Variants in STAG3 observed in about 807,000 individuals in gnomAD.
STAG3 encodes STAG3 cohesin complex component.
In STAG3, 101 loss-of-function variants were observed where a neutral mutation model predicts 160.7. That is an observed-to-expected ratio of 0.63 (90% CI 0.54 to 0.74). STAG3 has a LOEUF of 0.74. Among genes scored for constraint, STAG3 ranks in the 30% least tolerant of loss-of-function variants. STAG3 has a pLI of 0.00. For missense variants in STAG3, 1,188 were observed against 1,517.4 expected, an observed-to-expected ratio of 0.78 and a Z score of 3.61; for synonymous variants, 519 against 585.0, an observed-to-expected ratio of 0.89 and a Z score of 1.63.
downstream of STAG3, chr7:100,218,829 T>C (rs1260025147): frequency 4.4e-6 from 1 of 225,764 alleles, no homozygotes; most frequent in Non-Finnish European, 8.9e-6. Context: ...AATACTGAGA[T>C]CCTAGAAAGG....
intron 5 of STAG3, among the ~76,000 whole-genome samples, chr7:100,188,184 C>A (rs1800146797): frequency 6.6e-6 from 1 of 152,168 alleles, no homozygotes; most frequent in Admixed American, 6.6e-5. Flanking sequence ...CATTTCTGTG[C>A]AGTTTTCAGC....
chr7:100,216,276 C>T (rs1490246332), downstream of STAG3, among the ~76,000 whole-genome samples: 3 of 152,114 alleles, frequency 2.0e-5, no homozygotes, highest in Admixed American at 1.3e-4. Flanking sequence ...AGACTCCCAA[C>T]TTTTGGACAT....
intron 1 of STAG3, among the ~76,000 whole-genome samples, chr7:100,179,332 C>T (rs187929825): frequency 3.3e-5 from 5 of 150,856 alleles, no homozygotes; most frequent in Admixed American, 6.6e-5. Context: ...AAGCAGTCCT[C>T]CTGTCTCAGC....
downstream of STAG3, among the ~76,000 whole-genome samples, chr7:100,217,529 CAAAGAGAT>C (rs1185008487): frequency 5.9e-5 from 9 of 151,828 alleles, no homozygotes; most frequent in African/African-American, 1.7e-4. Flanking sequence ...AGACACAAGA[CAAAGAGAT>C]AGAAGAAAAG....
chr7:100,184,512 G>A (rs1799867092), intron 4 of STAG3, among the ~76,000 whole-genome samples: 1 of 132,236 alleles, frequency 7.6e-6, no homozygotes, highest in East Asian at 2.3e-4. Flanking sequence ...TCTGTCGCCA[G>A]GCTGGAGTGC....
Position 100,190,816 on chromosome 7 carries a change from C to G in STAG3, c.867+1220C>G, listed in dbSNP as rs151268547. 2.6e-5 allele frequency among the ~76,000 whole-genome samples: 4 copies of G among 152,268 alleles called. No homozygotes were observed. The East Asian group carries it at 5.8e-4, about 22-fold the overall frequency. ...GCTTATTTCCCCATTTTCTTTGAAA[C>G]TGTTCTTTCTAAACCAATGACTTCC... is the stretch of plus-strand genomic sequence containing the variant. On this transcript the variant is annotated intron_variant, in intron 8 of 33. Coordinates refer to ENST00000615138, the MANE Select transcript of STAG3 (RefSeq NM_001282717.2).
chr7:100,187,882 G>T (rs1357667248), intron 5 of STAG3, among the ~76,000 whole-genome samples: 4 of 150,606 alleles, frequency 2.7e-5, no homozygotes, highest in Non-Finnish European at 5.9e-5. Flanking sequence ...TCAGCCTCCC[G>T]AGTAGCTGGG....
chr7:100,213,360 G>T (rs983290013), intron 32 of STAG3: 2 of 984,978 alleles, frequency 2.0e-6, no homozygotes, highest in African/African-American at 3.5e-5. Flanking sequence ...TTCTCTGCAG[G>T]GAAGGAAAAA....
At chr7:100,195,932 C>A (rs936374082) in intron 9 of STAG3, among the ~76,000 whole-genome samples, 1 of 152,122 alleles carries the variant, frequency 6.6e-6, no homozygotes, top group Non-Finnish European at 1.5e-5. Flanking sequence ...GAGTTCACAA[C>A]CAGCCTGACC....
intron 12 of STAG3, 145 bp from the exon 13 acceptor site, chr7:100,198,330 C>T (rs1399438373): frequency 9.1e-7 from 1 of 1,093,632 alleles, no homozygotes; most frequent in African/African-American, 1.5e-5. Flanking sequence ...CTCTAACTCC[C>T]CATACTCCTT....
rs1215261512 is a variant in STAG3, at chr7:100,205,331, C to T, written c.3185C>T (p.Thr1062Ile). ...CACTCCCTCAGCCCTGTGGAGAACA[C>T]AGCAGAGACCAGCCCTCAGGTCCTC... The part of the protein sequence containing the change: ...YCHSLSPVEN[T>I]AETSPQVLPS... The change falls in exon 29 of 34, where the codon ACA becomes ATA. Residue 1062 changes from threonine (T) to isoleucine (I), a missense_variant. Transcript: ENST00000615138. 2 of 1,614,188 alleles carry T rather than the reference C, an allele frequency of 1.2e-6. No homozygotes were observed. The highest frequency in any genetic ancestry group is 1.7e-6 in the Non-Finnish European group (2 of 1,180,040).
intron 25 of STAG3, among the ~76,000 whole-genome samples, chr7:100,203,259 A>G (rs1801310848): frequency 6.7e-6 from 1 of 149,538 alleles, no homozygotes; most frequent in South Asian, 2.1e-4. Context: ...ATCTCGGCTC[A>G]CTGCAACCTC....
In STAG3 at chr7:100,202,587, C is replaced by A; in HGVS notation, c.2697C>A (p.Asn899Lys). ...CCTCAGATGTTTTCAAACACTACAA[C>A]AAGGTACACCAAGGCCCTACAGAAA... ...DAASDVFKHY[N>K]KFYNDYGDII... Residue 899 changes from asparagine (N) to lysine (K), a missense_variant, in exon 25 of 34, where the codon AAC becomes AAA. Asn to Lys is a moderately conservative substitution (Grantham distance 94). Around this residue, in one of 4 missense-constraint regions of STAG3, gnomAD observed 647 missense variants for 717.2 expected, o/e 0.90. Transcript: ENST00000615138. 1 of 1,612,546 alleles carries A rather than the reference C, an allele frequency of 6.2e-7. No individual in the cohort carries two copies. Among genetic ancestry groups the A allele is most frequent in the Non-Finnish European group, 8.5e-7 (1 of 1,179,556 alleles).
At chr7:100,193,009 A>T (rs1449199223) in intron 8 of STAG3, among the ~76,000 whole-genome samples, 1 of 152,236 alleles carries the variant, frequency 6.6e-6, no homozygotes, top group Non-Finnish European at 1.5e-5. Flanking sequence ...TCCTTGTTTC[A>T]TGGGCTGCAA....
At chr7:100,181,994 G>T (rs1799675386) in intron 2 of STAG3, 96 bp from the exon 3 acceptor site, 3 of 745,512 alleles carry the variant, frequency 4.0e-6, no homozygotes, top group South Asian at 3.9e-5. Context: ...TCATGGAGAT[G>T]GGGTGCGGTG....
chr7:100,189,065 T>G (rs772093856), intron 7 of STAG3, 49 bp downstream of exon 7: 3 of 1,595,034 alleles, frequency 1.9e-6, no homozygotes, highest in Non-Finnish European at 2.6e-6. Context: ...TTTATAGGAC[T>G]TTCCTCTGTT....
rs1039216897 is a variant in STAG3 at position 100,211,186 on chromosome 7, G to A, written c.3413+1G>A. ...GCTCAGAGTTGGATTTTGCCCAGGG[G>A]TGAGGCCATGGAGGGAATCTGGGTG... On this transcript the variant is annotated splice_donor_variant, in intron 30 of 33. Coordinates refer to ENST00000615138, the MANE Select transcript of STAG3 (RefSeq NM_001282717.2). LOFTEE classifies it high-confidence loss of function. 3.2e-6 allele frequency: 5 copies of A among 1,569,374 alleles called. No homozygotes were observed. Among genetic ancestry groups the A allele is most frequent in the Admixed American group, 3.7e-5 (2 of 53,564 alleles).
At position 100,202,283 on chromosome 7, in the gene STAG3, G is replaced by A; in HGVS notation, c.2506G>A (p.Glu836Lys). 6.2e-7 allele frequency: 1 copy of A among 1,614,134 alleles called. No individual in the cohort carries two copies. Among genetic ancestry groups the A allele is most frequent in the Non-Finnish European group, 8.5e-7 (1 of 1,180,022 alleles). Residue 836 changes from glutamate (E) to lysine (K), a missense_variant, in exon 24 of 34, where the codon GAG (glutamate) becomes AAG (lysine). Physicochemically the swap from Glu to Lys is moderately conservative, Grantham distance 56. Around this residue, in one of 4 missense-constraint regions of STAG3, gnomAD observed 647 missense variants for 717.2 expected, o/e 0.90. Transcript: ENST00000615138. ...TTTTCCTGAAGCTACTCTCCAGTCT[G>A]AGCTAGCCAGCTTCCTCATGGACCA... The part of the protein sequence containing the change: ...VFFPEATLQS[E>K]LASFLMDHVF...
Position 100,188,916 on chromosome 7 carries a change from C to A in STAG3, c.615C>A (p.Ser205Arg), listed in dbSNP as rs201755317. The A allele has an allele frequency of 8.1e-6, 13 of 1,614,052 alleles. No individual in the cohort carries two copies. In the East Asian group the frequency reaches 2.9e-4, roughly 36 times the overall value. Reference sequence around the variant, plus strand: ...CATTGGTCTGTCAGTGCCAGTACAGCCTCCTCTATGATGGCTTCCCTATGG... The same window carrying A: ...CATTGGTCTGTCAGTGCCAGTACAGACTCCTCTATGATGGCTTCCCTATGG... ...VRTLVCQCQY[S>R]LLYDGFPMDD... The change falls in exon 7 of 34, where the codon AGC becomes AGA. Residue 205 changes from serine (S) to arginine (R), a missense_variant. By Grantham distance (110) the Ser-to-Arg change is moderately radical. Transcript: ENST00000615138.
Sources: gnomAD v4.1 joint callset for allele counts (sites outside exome capture counted in the v4.1 genomes callset) on GRCh38, gnomAD v4.1.1 for gene constraint, gnomAD v4.1.1 regional missense constraint, MANE v1.5 for transcripts, NCBI Gene and HGNC (gene_info 2026-07-23, HGNC 2026-07-21) for gene names.